NEBL: variants seen among roughly 807,000 people sequenced by gnomAD.
The protein encoded by NEBL is nebulette.
In NEBL, 122 loss-of-function variants were observed where a neutral mutation model predicts 140.2. The ratio of observed to expected loss-of-function variants is 0.87; its 90% CI spans 0.75 to 1.01. The LOEUF (loss-of-function observed/expected upper bound fraction) is 1.01, where lower values mean the gene tolerates loss of function less well. Among genes scored for constraint, NEBL ranks in the 50% least tolerant of loss-of-function variants. The probability of loss-of-function intolerance (pLI) is 0.00; values close to 1 mark genes in which losing one functional copy is unlikely to be tolerated. For missense variants in NEBL, 1,365 were observed against 1,231.3 expected, an observed-to-expected ratio of 1.11 and a Z score of -1.62; for synonymous variants, 436 against 398.9, an observed-to-expected ratio of 1.09 and a Z score of -1.11.
chr10:20,798,236 C>T (rs778253926), intron 26 of NEBL, among the ~76,000 whole-genome samples: 27 of 152,076 alleles, frequency 1.8e-4, no homozygotes, highest in Admixed American at 4.6e-4. Flanking sequence ...CCACAGATAA[C>T]GGGCAAGCAA....
chr10:21,131,056 C>T (rs1237689362), intron 2 of NEBL, among the ~76,000 whole-genome samples: 1 of 151,940 alleles, frequency 6.6e-6, no homozygotes, highest in South Asian at 2.1e-4. Context: ...GAAAGAGGGG[C>T]CATCATTACA....
chr10:20,991,703 C>T (rs2131687134), intron 3 of NEBL, among the ~76,000 whole-genome samples: 1 of 151,152 alleles, frequency 6.6e-6, no homozygotes, highest in Non-Finnish European at 1.5e-5. Context: ...TTTTAATGAC[C>T]TCATTGCCCA....
At chr10:20,934,709 C>T (rs1488674782) in intron 4 of NEBL, among the ~76,000 whole-genome samples, 2 of 152,148 alleles carry the variant, frequency 1.3e-5, no homozygotes, top group Non-Finnish European at 2.9e-5. Context: ...CTCTCTGCTA[C>T]CAAGCTGTGT....
At position 21,166,240 on chromosome 10, in the gene NEBL, AAAAAAGAAAAGAAAAAAAAAT is replaced by A. The variant is rs1287006718; in HGVS notation, c.164+6122_164+6142del. On this transcript the variant is annotated intron_variant, in intron 2 of 6. Transcript: ENST00000417816. ...GTCTCAAAAAAAAAAAAAAAAAAAAAAAAAAGAAAAGAAAAAAAAATTTTCTACATCATGATCCAGTACACA... is the reference window on the plus strand; with the variant it reads ...GTCTCAAAAAAAAAAAAAAAAAAAAATTTCTACATCATGATCCAGTACACA... 5.2e-4 allele frequency among the ~76,000 whole-genome samples: 54 copies of A among 104,052 alleles called. 2 individuals are homozygous for A. The highest frequency in any genetic ancestry group is 2.6e-3 in the African/African-American group (53 of 20,170). The allele number at this position is 104,052 out of a possible 152,430, so 68.3% of individuals were successfully genotyped here. A position where few individuals can be genotyped will look rare whatever the true frequency, so the allele number is the denominator to read the frequency against.
intron 4 of NEBL, among the ~76,000 whole-genome samples, chr10:20,924,863 G>A (rs990427784): frequency 6.6e-6 from 1 of 151,940 alleles, no homozygotes; most frequent in Non-Finnish European, 1.5e-5. Context: ...AAAACTGCAG[G>A]AGTCGAGGGG....
At chr10:21,054,969 G>GA (rs1834944654) in intron 2 of NEBL, among the ~76,000 whole-genome samples, 1 of 152,160 alleles carries the variant, frequency 6.6e-6, no homozygotes, top group African/African-American at 2.4e-5. Flanking sequence ...TTTTTAAAGC[G>GA]TTCTTACTTC....
chr10:21,226,722 CTG>C lies in NEBL; in HGVS notation n.348+21197_348+21198del, dbSNP rs1175963342. On this transcript the variant is annotated intron_variant and non_coding_transcript_variant, in intron 3 of 8. Coordinates refer to the NEBL transcript ENST00000675702. ...TCCTGCAAGCACACAGATTCTGTGT[CTG>C]TGTCACACAGCCATTACTGGGGAAT... Among the ~76,000 whole-genome samples the C allele has an allele frequency of 2.6e-5, 4 of 152,340 alleles. No individual in the cohort carries two copies. The East Asian group carries it at 7.7e-4, about 29-fold the overall frequency.
intron 3 of NEBL, among the ~76,000 whole-genome samples, chr10:20,985,230 G>T (rs1201509198): frequency 6.6e-6 from 1 of 152,138 alleles, no homozygotes; most frequent in African/African-American, 2.4e-5. Flanking sequence ...TGCCAAAAAG[G>T]TTGGTGACCG....
intron 3 of NEBL, among the ~76,000 whole-genome samples, chr10:21,019,617 A>G (rs952790390): frequency 6.6e-6 from 1 of 152,236 alleles, no homozygotes; most frequent in African/African-American, 2.4e-5. Context: ...ACCGGGAGCC[A>G]ATTGTGGTGT....
Position 20,996,722 on chromosome 10 carries a change from A to G in NEBL, c.249+23395T>C, listed in dbSNP as rs541239827. 5.8e-4 allele frequency among the ~76,000 whole-genome samples: 88 copies of G among 152,340 alleles called. 1 individual carries two copies. The highest frequency in any genetic ancestry group is 1.8e-3 in the African/African-American group (75 of 41,568). ...CTGCAAAAGTTACCTTCTTAAAAGT[A>G]TCATATGGACTGCCTAAAAACAGCC... On this transcript the variant is annotated intron_variant, in intron 3 of 6. Coordinates refer to the NEBL transcript ENST00000417816.
chr10:21,054,489 G>C (rs879618445), intron 2 of NEBL, among the ~76,000 whole-genome samples: 37 of 152,114 alleles, frequency 2.4e-4, no homozygotes, highest in Non-Finnish European at 4.6e-4. Context: ...TCTCGGACAG[G>C]CATCGGGGAA....
chr10:21,289,244 G>C (rs551671325), intron 1 of NEBL, among the ~76,000 whole-genome samples: 10 of 152,174 alleles, frequency 6.6e-5, no homozygotes, highest in African/African-American at 2.2e-4. Context: ...CTGATCAAAT[G>C]AGGGCCTTAC....
chr10:21,118,107 A>G (rs2132036235), intron 2 of NEBL, among the ~76,000 whole-genome samples: 1 of 152,162 alleles, frequency 6.6e-6, no homozygotes, highest in Non-Finnish European at 1.5e-5. Flanking sequence ...TGGCTGGTGC[A>G]GCACCCCACA....
chr10:21,104,573 C>G (rs1190697053), intron 2 of NEBL, among the ~76,000 whole-genome samples: 2 of 152,096 alleles, frequency 1.3e-5, no homozygotes, highest in African/African-American at 4.8e-5. Flanking sequence ...TTTATATTGG[C>G]TTATATACTG....
rs10671099 is a variant in NEBL at position 21,200,308 on chromosome 10, C to CTTTTTTTTTTT, written n.349-27842_349-27832dup. Among the ~76,000 whole-genome samples, 4 of 81,964 alleles carry CTTTTTTTTTTT rather than the reference C, an allele frequency of 4.9e-5. 1 individual carries two copies. Among genetic ancestry groups the CTTTTTTTTTTT allele is most frequent in the Admixed American group, 2.0e-4 (1 of 5,068 alleles). 53.8% of individuals were successfully genotyped at this position (81,964 alleles called of 152,430 possible). A position where few individuals can be genotyped will look rare whatever the true frequency, so the allele number is the denominator to read the frequency against. On this transcript the variant is annotated intron_variant and non_coding_transcript_variant, in intron 3 of 8. Coordinates refer to the NEBL transcript ENST00000675702. ...GTGTGAAGTGACATATTCCAAGGGA[C>CTTTTTTTTTTT]TTTTTTTTTTTTTTTTTTTTTTTGA...
At chr10:20,879,782 C>A (rs959479603) in intron 5 of NEBL, among the ~76,000 whole-genome samples, 1 of 152,156 alleles carries the variant, frequency 6.6e-6, no homozygotes, top group African/African-American at 2.4e-5. Context: ...ACCTGACCAA[C>A]AGTTCACACA....
chr10:20,875,329 C>T (rs1845388893), intron 5 of NEBL, among the ~76,000 whole-genome samples: 1 of 152,156 alleles, frequency 6.6e-6, no homozygotes, highest in African/African-American at 2.4e-5. Context: ...CACTTCATCC[C>T]TGATGTGTCT....
chr10:20,863,405 T>C (rs945222612), intron 7 of NEBL, among the ~76,000 whole-genome samples: 8 of 152,282 alleles, frequency 5.3e-5, no homozygotes, highest in African/African-American at 1.9e-4. Flanking sequence ...TTAATTATCA[T>C]TGAAAATGAA....
At position 20,819,466 on chromosome 10, in the gene NEBL, C is replaced by G. The variant is rs781677922; in HGVS notation, c.2013G>C (p.Pro671=). The G allele has an allele frequency of 1.2e-6, 2 of 1,614,048 alleles. No homozygotes were observed. The highest frequency in any genetic ancestry group is 1.7e-6 in the Non-Finnish European group (2 of 1,179,954). The change falls in exon 20 of 28, where the codon CCG becomes CCC. Residue 671 remains proline (P), a synonymous_variant. Transcript: ENST00000377122. ...GGTTTCGCCTCACTCTCTCTATCTCCGGGGTCATGCTTACCGGAGTGGCCT... is the reference window on the plus strand; with the variant it reads ...GGTTTCGCCTCACTCTCTCTATCTCGGGGGTCATGCTTACCGGAGTGGCCT... ...NYKATPVSMT[P]EIERVRRNQE... is the part of the protein sequence containing the mutation.
Sources: gnomAD v4.1 joint callset for allele counts (sites outside exome capture counted in the v4.1 genomes callset) on GRCh38, gnomAD v4.1.1 for gene constraint, MANE v1.5 for transcripts, NCBI Gene and HGNC (gene_info 2026-07-23, HGNC 2026-07-21) for gene names.